RALYL: variants seen among roughly 807,000 people sequenced by gnomAD.
The protein encoded by RALYL is RNA-binding Raly-like protein.
In RALYL, 29 loss-of-function variants were observed where a neutral mutation model predicts 35.1. The observed-to-expected ratio is 0.83, with a 90% CI of 0.61 to 1.13. The LOEUF (loss-of-function observed/expected upper bound fraction) is 1.13, where lower values mean the gene tolerates loss of function less well. Ranked by LOEUF, RALYL falls within the 50% of genes most tolerant of loss-of-function variation. The pLI is 0.00. For missense variants in RALYL, 359 were observed against 360.4 expected, an observed-to-expected ratio of 1.00 and a Z score of 0.03; for synonymous variants, 120 against 127.6, an observed-to-expected ratio of 0.94 and a Z score of 0.40.
At chr8:84,235,767 CTT>C (rs556495836) in intron 1 of RALYL, among the ~76,000 whole-genome samples, 7 of 126,904 alleles carry the variant, frequency 5.5e-5, no homozygotes, top group Non-Finnish European at 4.9e-5. Flanking sequence ...TTTTCTTTTT[CTT>C]TTTTTTTTTT....
At chr8:84,297,127 G>A (rs1016334656) in intron 1 of RALYL, among the ~76,000 whole-genome samples, 2 of 151,868 alleles carry the variant, frequency 1.3e-5, no homozygotes, top group African/African-American at 4.8e-5. Flanking sequence ...ACAGGAGTAT[G>A]GTTTACAGAC....
intron 2 of RALYL, among the ~76,000 whole-genome samples, chr8:84,556,157 T>C (rs1443951404): frequency 6.6e-6 from 1 of 152,226 alleles, no homozygotes; most frequent in Non-Finnish European, 1.5e-5. Flanking sequence ...CAAAATATTA[T>C]TGAAAATTAC....
chr8:84,908,432 A>G (rs1846906192), intron 8 of RALYL, among the ~76,000 whole-genome samples: 1 of 152,130 alleles, frequency 6.6e-6, no homozygotes, highest in South Asian at 2.1e-4. Flanking sequence ...GATTCCACAT[A>G]GAAGTGAGAA....
At chr8:84,326,745 T>C (rs1845874464) in intron 1 of RALYL, among the ~76,000 whole-genome samples, 1 of 152,172 alleles carries the variant, frequency 6.6e-6, no homozygotes, top group African/African-American at 2.4e-5. Context: ...GATATCAAAA[T>C]TAAAATGGTT....
At chr8:84,381,200 C>T (rs1239747459) in intron 1 of RALYL, among the ~76,000 whole-genome samples, 1 of 151,880 alleles carries the variant, frequency 6.6e-6, no homozygotes, top group African/African-American at 2.4e-5. Flanking sequence ...ACATTTAAGC[C>T]TGCTTGTTCT....
At chr8:84,243,317 T>A (rs1828373868) in intron 1 of RALYL, among the ~76,000 whole-genome samples, 3 of 152,260 alleles carry the variant, frequency 2.0e-5, no homozygotes, top group South Asian at 2.1e-4. Context: ...TCCAGGCTGT[T>A]TTTTTGTTCT....
At chr8:84,190,803 G>C (rs751321522) in intron 1 of RALYL, among the ~76,000 whole-genome samples, 1 of 152,094 alleles carries the variant, frequency 6.6e-6, no homozygotes, top group Non-Finnish European at 1.5e-5. Flanking sequence ...AGATATGACA[G>C]TATCATCTAC....
At chr8:84,760,180 G>A (rs1243641579) in intron 2 of RALYL, among the ~76,000 whole-genome samples, 1 of 152,012 alleles carries the variant, frequency 6.6e-6, no homozygotes, top group Non-Finnish European at 1.5e-5. Context: ...ATTGTTATTT[G>A]TGAATGACAC....
At chr8:84,499,781 G>GTC (rs1308944955) in intron 1 of RALYL, among the ~76,000 whole-genome samples, 1 of 151,918 alleles carries the variant, frequency 6.6e-6, no homozygotes, top group Non-Finnish European at 1.5e-5. Flanking sequence ...TTGAAATAGG[G>GTC]TCTCACTCTC....
intron 5 of RALYL, among the ~76,000 whole-genome samples, chr8:84,861,199 C>CAT (rs995269619): frequency 1.5e-4 from 23 of 151,996 alleles, no homozygotes; most frequent in African/African-American, 5.3e-4. Context: ...ATGTAACAAT[C>CAT]ATAATTCTAA....
intron 1 of RALYL, among the ~76,000 whole-genome samples, chr8:84,327,353 A>C (rs1055327253): frequency 2.0e-5 from 3 of 152,176 alleles, no homozygotes; most frequent in African/African-American, 7.2e-5. Flanking sequence ...TCTAGAGAAC[A>C]GGCACAATTC....
chr8:84,473,531 A>G (rs2053043550), intron 1 of RALYL, among the ~76,000 whole-genome samples: 1 of 151,604 alleles, frequency 6.6e-6, no homozygotes, highest in Non-Finnish European at 1.5e-5. Context: ...TGGTTTTTTG[A>G]ATGTGAATGT....
At chr8:84,712,933 T>C (rs374321678) in intron 2 of RALYL, among the ~76,000 whole-genome samples, 11 of 152,280 alleles carry the variant, frequency 7.2e-5, no homozygotes, top group African/African-American at 2.6e-4. Context: ...CTCTGTTGAT[T>C]ATTTTTCTTT....
intron 1 of RALYL, among the ~76,000 whole-genome samples, chr8:84,220,109 G>C (rs1332565932): frequency 6.6e-6 from 1 of 151,938 alleles, no homozygotes; most frequent in Admixed American, 6.6e-5. Context: ...GTCAACCAGT[G>C]CTTCATACCA....
chr8:84,562,788 C>G (rs988911901), intron 2 of RALYL, among the ~76,000 whole-genome samples: 3 of 151,896 alleles, frequency 2.0e-5, no homozygotes, highest in Admixed American at 6.6e-5. Context: ...AATAAGGTCT[C>G]TAGGCAATGA....
chr8:84,503,864 A>G (rs889695254), intron 1 of RALYL, among the ~76,000 whole-genome samples: 17 of 119,936 alleles, frequency 1.4e-4, no homozygotes, highest in African/African-American at 5.1e-4. Context: ...ACTCTGTCTC[A>G]AAGAAAAAAA....
chr8:84,362,025 C>A (rs923657757), intron 1 of RALYL, among the ~76,000 whole-genome samples: 4 of 152,120 alleles, frequency 2.6e-5, no homozygotes, highest in Admixed American at 2.6e-4. Flanking sequence ...CAAAACTGAG[C>A]AGCCACTGTA....
At chr8:84,842,997 C>T (rs1833777524) in intron 4 of RALYL, among the ~76,000 whole-genome samples, 1 of 152,042 alleles carries the variant, frequency 6.6e-6, no homozygotes, top group Non-Finnish European at 1.5e-5. Flanking sequence ...TATAACAAAC[C>T]CACAGCCAAT....
At chr8:84,877,979 AG>A (rs562339595) in intron 7 of RALYL, among the ~76,000 whole-genome samples, 82 of 152,324 alleles carry the variant, frequency 5.4e-4, no homozygotes, top group African/African-American at 1.9e-3. Flanking sequence ...AAACAAGGAA[AG>A]GGTTTAGCAG....
Sources: gnomAD v4.1 joint callset for allele counts (sites outside exome capture counted in the v4.1 genomes callset) on GRCh38, gnomAD v4.1.1 for gene constraint, MANE v1.5 for transcripts, NCBI Gene and HGNC (gene_info 2026-07-23, HGNC 2026-07-21) for gene names.